Variants in NDUFA9 observed in about 807,000 individuals in gnomAD.
The protein encoded by NDUFA9 is NADH dehydrogenase [ubiquinone] 1 alpha subcomplex subunit 9, mitochondrial.
A neutral mutation model predicts 45.9 loss-of-function variants in NDUFA9; 23 were observed. That is an observed-to-expected ratio of 0.50 (90% confidence interval 0.36 to 0.71). The LOEUF (loss-of-function observed/expected upper bound fraction) is 0.71, where lower values mean the gene tolerates loss of function less well. NDUFA9 is among the 30% of genes least tolerant of loss of function. The pLI is 0.00. For synonymous variants in NDUFA9, 176 were observed against 170.5 expected, an observed-to-expected ratio of 1.03 and a Z score of -0.25; for missense variants, 466 against 488.2, an observed-to-expected ratio of 0.95 and a Z score of 0.43.
At chr12:4,667,512 C>CT (rs11335422) in intron 6 of NDUFA9, 1,869 of 157,504 alleles carry the variant, frequency 0.012, 3 homozygotes, top group South Asian at 0.049. Context: ...AATTTCTACT[C>CT]TTTTTTTTTT....
In NDUFA9 at chr12:4,688,973, TAAAAA is replaced by T. The variant is rs955245939; in HGVS notation, c.*1870_*1874del. 1 of 151,624 alleles carries T rather than the reference TAAAAA, an allele frequency of 6.6e-6. No individual in the cohort carries two copies. Among genetic ancestry groups the T allele is most frequent in the South Asian group, 2.1e-4 (1 of 4,810 alleles). 9.4% of individuals were successfully genotyped at this position (151,624 alleles called of 1,614,324 possible). On this transcript the variant is annotated 3_prime_UTR_variant, in exon 11 of 11. Coordinates refer to ENST00000266544, the MANE Select transcript of NDUFA9 (RefSeq NM_005002.5). The stretch of plus-strand genomic sequence containing the variant: ...CACTTTCTTTCCTTTTTTTGATTCT[TAAAAA>T]AAAACTTATTGATACATAATAGATG...
intron 5 of NDUFA9, 43 bp from the exon 6 acceptor site, chr12:4,662,490 C>G (rs1340688875): frequency 6.8e-7 from 1 of 1,464,326 alleles, no homozygotes; most frequent in Admixed American, 1.7e-5. Flanking sequence ...GCTTTATTCA[C>G]TTGTCTCTAA....
At position 4,691,174 on chromosome 12, in the gene NDUFA9, A is replaced by G. The variant is rs1946016941; in HGVS notation, c.*4066A>G. The G allele has an allele frequency of 6.6e-6, 1 of 152,208 alleles. No individual in the cohort carries two copies. Among genetic ancestry groups the G allele is most frequent in the African/African-American group, 2.4e-5 (1 of 41,452 alleles). The allele number at this position is 152,208 out of a possible 1,614,324, so 9.4% of individuals were successfully genotyped here. A position where few individuals can be genotyped will look rare whatever the true frequency, so the allele number is the denominator to read the frequency against. Reference sequence around the variant, plus strand: ...TTGTTTATAAAATGGGGGTGATAGTAATAACTACATGATGGGATAGTGATG... The same window carrying G: ...TTGTTTATAAAATGGGGGTGATAGTGATAACTACATGATGGGATAGTGATG... On this transcript the variant is annotated 3_prime_UTR_variant, in exon 11 of 11. Coordinates refer to ENST00000266544, the MANE Select transcript of NDUFA9 (RefSeq NM_005002.5).
At chr12:4,684,644 T>G (rs139807783) in intron 9 of NDUFA9, among the ~76,000 whole-genome samples, 1 of 152,240 alleles carries the variant, frequency 6.6e-6, no homozygotes, top group African/African-American at 2.4e-5. Flanking sequence ...GTCACTGCCC[T>G]GAGGTAACTG....
At chr12:4,652,427 C>CGAGAGGCTG (rs1945764954) in intron 1 of NDUFA9, among the ~76,000 whole-genome samples, 1 of 152,142 alleles carries the variant, frequency 6.6e-6, no homozygotes, top group African/African-American at 2.4e-5. Flanking sequence ...GCCTCACAGC[C>CGAGAGGCTG]TCTCTTGTTT....
Position 4,687,080 on chromosome 12 carries a change from T to A in NDUFA9, c.1106T>A (p.Val369Glu). ...TGGCTGTCTGCTGAAATTGAGGATG[T>A]GAAGCCGGCCAAGACCGTCAACATT... ...YRWLSAEIED[V>E]KPAKTVNI The change falls in exon 11 of 11, where the codon GTG (valine) becomes GAG (glutamate). Residue 369 changes from valine to glutamate, a missense_variant. Transcript: ENST00000266544. The A allele has an allele frequency of 6.2e-7, 1 of 1,614,168 alleles. No individual in the cohort carries two copies. The highest frequency in any genetic ancestry group is 8.5e-7 in the Non-Finnish European group (1 of 1,180,016).
In NDUFA9 at chr12:4,693,615, G is replaced by A. The variant is rs938802418; in HGVS notation, c.*6507G>A. The A allele has an allele frequency of 6.6e-6, 1 of 152,216 alleles. No homozygotes were observed. The highest frequency in any genetic ancestry group is 1.5e-5 in the Non-Finnish European group (1 of 68,048). The allele number at this position is 152,216 out of a possible 1,614,324, so 9.4% of individuals were successfully genotyped here. On this transcript the variant is annotated 3_prime_UTR_variant, in exon 11 of 11. Transcript: ENST00000266544. ...AAGCTGAATCTGGTTCTACTTTCAG[G>A]AGAGTGATGGTTTGAGATGGTAACT...
chr12:4,685,324 G>C lies in NDUFA9; in HGVS notation c.962G>C (p.Arg321Pro), dbSNP rs199592341. The change falls in exon 10 of 11, where the codon CGG becomes CCG. Residue 321 changes from arginine (R) to proline (P), a missense_variant and splice_region_variant. By Grantham distance (103) the Arg-to-Pro change is moderately radical. Transcript: ENST00000266544. ...TGGATAACAAGGGATAAAGTGGAGC[G>C]GGTGAGTACATGTGTGGAAAGCGTC... is the stretch of plus-strand genomic sequence containing the variant. Reference protein sequence around the residue: ...EPWITRDKVERMHITDMKLPH... With the variant: ...EPWITRDKVEPMHITDMKLPH... 1.2e-6 allele frequency: 2 copies of C among 1,613,096 alleles called. No individual in the cohort carries two copies. The highest frequency in any genetic ancestry group is 1.7e-6 in the Non-Finnish European group (2 of 1,179,114).
Position 4,685,169 on chromosome 12 carries a change from C to T in NDUFA9, c.897-90C>T, listed in dbSNP as rs573326609. On this transcript the variant is annotated intron_variant, in intron 9 of 10. Transcript: ENST00000266544. ...AAAATCAGTTCAGACTGCTCTACAG[C>T]GGTCTGTCTTCCTGCAGTTCTCATA... The T allele has an allele frequency of 1.8e-4, 199 of 1,105,234 alleles. No individual in the cohort carries two copies. In the African/African-American group the frequency reaches 1.9e-3, roughly 11 times the overall value. The allele number at this position is 1,105,234 out of a possible 1,614,324, so 68.5% of individuals were successfully genotyped here.
At chr12:4,672,268 C>T (rs1945891785) in intron 8 of NDUFA9, among the ~76,000 whole-genome samples, 1 of 152,198 alleles carries the variant, frequency 6.6e-6, no homozygotes, top group South Asian at 2.1e-4. Context: ...GTGCCCATGC[C>T]ACCAGGGCCC....
At chr12:4,679,646 G>A (rs1416009140) in intron 8 of NDUFA9, among the ~76,000 whole-genome samples, 1 of 152,152 alleles carries the variant, frequency 6.6e-6, no homozygotes, top group East Asian at 1.9e-4. Flanking sequence ...TGAACATTAG[G>A]CAAAGGGCAG....
intron 6 of NDUFA9, among the ~76,000 whole-genome samples, chr12:4,663,663 T>C (rs1401799094): frequency 1.3e-5 from 2 of 152,146 alleles, no homozygotes; most frequent in East Asian, 3.9e-4. Context: ...CCTCCAGAAC[T>C]GTGAGAAAAT....
intron 8 of NDUFA9, among the ~76,000 whole-genome samples, chr12:4,671,556 A>C (rs1191207014): frequency 6.6e-6 from 1 of 152,214 alleles, no homozygotes; most frequent in Non-Finnish European, 1.5e-5. Flanking sequence ...ACTTAATTCT[A>C]TCGAAATTCC....
rs776254348 is a variant in NDUFA9, at chr12:4,649,186, C to G, written c.49+11C>G. ...TCCTGTCAATGTCACGTAAGTGTTA[C>G]CGGGAACGGCGGCCCCTGGTCGGGA... On this transcript the variant is annotated intron_variant, in intron 1 of 10. Transcript: ENST00000266544. The G allele has an allele frequency of 3.7e-6, 6 of 1,600,742 alleles. No homozygotes were observed. The South Asian group carries it at 6.8e-5, about 18-fold the overall frequency.
Position 4,694,249 on chromosome 12 carries a change from T to C in NDUFA9, c.*7141T>C, listed in dbSNP as rs1414699080. ...ACATTTATTTCAGTAATTTTGATCT[T>C]TGGATTCTCCTTGGACATTCCTCAC... is the stretch of plus-strand genomic sequence containing the variant. On this transcript the variant is annotated 3_prime_UTR_variant, in exon 11 of 11. Transcript: ENST00000266544. 2 of 152,260 alleles carry C rather than the reference T, an allele frequency of 1.3e-5. No homozygotes were observed. Among genetic ancestry groups the C allele is most frequent in the Admixed American group, 1.3e-4 (2 of 15,288 alleles). 9.4% of individuals were successfully genotyped at this position (152,260 alleles called of 1,614,324 possible).
At chr12:4,658,743 A>G (rs1007812435) in intron 4 of NDUFA9, among the ~76,000 whole-genome samples, 8 of 152,192 alleles carry the variant, frequency 5.3e-5, no homozygotes, top group African/African-American at 1.9e-4. Context: ...GCTTAAAAAA[A>G]TTAAAAATTT....
At chr12:4,678,740 A>G (rs183731784) in intron 8 of NDUFA9, among the ~76,000 whole-genome samples, 224 of 152,334 alleles carry the variant, frequency 1.5e-3, no homozygotes, top group African/African-American at 5.2e-3. Flanking sequence ...AATCAAAACC[A>G]TTATGAGATA....
At chr12:4,675,327 C>G (rs796245498) in intron 8 of NDUFA9, among the ~76,000 whole-genome samples, 1 of 151,526 alleles carries the variant, frequency 6.6e-6, no homozygotes, top group Non-Finnish European at 1.5e-5. Context: ...AGAGCAGAAC[C>G]GAAGGAGATA....
Position 4,668,602 on chromosome 12 carries a change from C to G in NDUFA9, c.723+78C>G, listed in dbSNP as rs1945867357. 15 of 1,298,960 alleles carry G rather than the reference C, an allele frequency of 1.2e-5. No individual in the cohort carries two copies. The Admixed American group carries it at 2.6e-4, about 22-fold the overall frequency. The allele number at this position is 1,298,960 out of a possible 1,614,324, so 80.5% of individuals were successfully genotyped here. On this transcript the variant is annotated intron_variant, in intron 7 of 10. Transcript: ENST00000266544. ...TGAGTGATCAAGTTTCTGGTTTTGT[C>G]CTAATTTAGTAACTCTGTCATTTTC...
Sources: allele counts gnomAD v4.1 joint callset (sites outside exome capture counted in the v4.1 genomes callset), GRCh38; gene constraint gnomAD v4.1.1; transcripts MANE v1.5; gene names NCBI Gene and HGNC (gene_info 2026-07-23, HGNC 2026-07-21).